The following MALRD1 variants were observed in gnomAD, a reference collection of about 807,000 sequenced individuals.
MALRD1 encodes the protein MAM and LDL-receptor class A domain-containing protein 1.
Under a neutral mutation model 242.1 loss-of-function variants are expected in MALRD1, and 247 were observed. The ratio of observed to expected loss-of-function variants is 1.02; its 90% CI spans 0.92 to 1.13. The LOEUF (loss-of-function observed/expected upper bound fraction) is 1.13, where lower values mean the gene tolerates loss of function less well. Ranked by LOEUF, MALRD1 falls within the 50% of genes most tolerant of loss-of-function variation. The pLI, the probability that MALRD1 is intolerant of heterozygous loss-of-function variation, is 0.00. For missense variants in MALRD1, 2,989 were observed against 2,533.1 expected, an observed-to-expected ratio of 1.18 and a Z score of -3.86; for synonymous variants, 995 against 866.6, an observed-to-expected ratio of 1.15 and a Z score of -2.60.
At chr10:19,582,052 C>T (rs986554490) in intron 33 of MALRD1, among the ~76,000 whole-genome samples, 4 of 152,092 alleles carry the variant, frequency 2.6e-5, no homozygotes, top group African/African-American at 9.7e-5. Context: ...GTCCTTTGCC[C>T]ACTTTTTGAT....
At chr10:19,572,134 T>G (rs1016094040) in intron 33 of MALRD1, among the ~76,000 whole-genome samples, 1 of 152,208 alleles carries the variant, frequency 6.6e-6, no homozygotes, top group African/African-American at 2.4e-5. Context: ...TTCCGCATTA[T>G]TACTTCTCTG....
At chr10:19,173,842 T>C (rs552736140) in intron 13 of MALRD1, among the ~76,000 whole-genome samples, 64 of 152,310 alleles carry the variant, frequency 4.2e-4, no homozygotes, top group African/African-American at 1.4e-3. Context: ...ACTTATTTCT[T>C]ATACAGCATT....
intron 19 of MALRD1, among the ~76,000 whole-genome samples, chr10:19,274,822 G>T (rs11009233): frequency 0.016 from 2,456 of 152,136 alleles, 86 homozygotes; most frequent in African/African-American, 0.056. Context: ...AGAGCTGGGG[G>T]GAGGCAGGAA....
chr10:19,355,969 C>T (rs182712863), intron 26 of MALRD1, among the ~76,000 whole-genome samples: 183 of 148,706 alleles, frequency 1.2e-3, no homozygotes, highest in African/African-American at 4.3e-3. Flanking sequence ...GGAATGCAGA[C>T]AATATAAGTC....
At chr10:19,441,180 T>C (rs1834625798) in intron 28 of MALRD1, among the ~76,000 whole-genome samples, 1 of 152,200 alleles carries the variant, frequency 6.6e-6, no homozygotes, top group South Asian at 2.1e-4. Context: ...TGCCCACTTT[T>C]TGATGGGGTT....
At chr10:19,103,059 G>A (rs1409306898) in intron 4 of MALRD1, among the ~76,000 whole-genome samples, 2 of 151,686 alleles carry the variant, frequency 1.3e-5, no homozygotes, top group South Asian at 4.2e-4. Flanking sequence ...ATGTTTGCCC[G>A]GCTGGTCTAG....
intron 36 of MALRD1, among the ~76,000 whole-genome samples, chr10:19,642,336 A>G (rs1388660643): frequency 1.3e-5 from 2 of 152,122 alleles, no homozygotes; most frequent in African/African-American, 4.8e-5. Context: ...ATGAGACTGT[A>G]CTCATGCTTT....
rs1018591806 is a variant in MALRD1 at position 19,451,692 on chromosome 10, G to A, written c.5029+1202G>A. Among the ~76,000 whole-genome samples, 15 of 152,258 alleles carry A rather than the reference G, an allele frequency of 9.9e-5. No homozygotes were observed. In the East Asian group the frequency reaches 2.9e-3, roughly 29 times the overall value. On this transcript the variant is annotated intron_variant, in intron 29 of 39. Coordinates refer to ENST00000454679, the MANE Select transcript of MALRD1 (RefSeq NM_001142308.3). Reference sequence around the variant, plus strand: ...TTTCACTGAGGCAGTTCAAAAATGTGACTTTGGTTTTTTTGTAGTGTTACA... The same window carrying A: ...TTTCACTGAGGCAGTTCAAAAATGTAACTTTGGTTTTTTTGTAGTGTTACA...
At chr10:19,622,010 T>TA (rs566343806) in intron 36 of MALRD1, among the ~76,000 whole-genome samples, 113 of 151,956 alleles carry the variant, frequency 7.4e-4, no homozygotes, top group African/African-American at 2.7e-3. Context: ...AATTGATGGA[T>TA]TTTTTTAAGT....
intron 33 of MALRD1, among the ~76,000 whole-genome samples, chr10:19,581,427 T>A (rs988875424): frequency 6.8e-6 from 1 of 147,726 alleles, no homozygotes; most frequent in African/African-American, 2.5e-5. Flanking sequence ...TGTCCATGTG[T>A]TCTCATTGTT....
At chr10:19,331,226 A>G in intron 23 of MALRD1, 143 bp from the exon 24 acceptor site, 1 of 700,616 alleles carries the variant, frequency 1.4e-6, no homozygotes, top group South Asian at 1.9e-5. Context: ...CACTTTCAAC[A>G]TAGGGACATA....
intron 26 of MALRD1, among the ~76,000 whole-genome samples, chr10:19,372,431 T>TTAG (rs1845417521): frequency 6.6e-6 from 1 of 151,658 alleles, no homozygotes; most frequent in Admixed American, 6.6e-5. Context: ...TACCATAGAG[T>TTAG]TAGTGTAGGA....
At position 19,272,490 on chromosome 10, in the gene MALRD1, A is replaced by C. The variant is rs184141976; in HGVS notation, c.3080-7557A>C. On this transcript the variant is annotated intron_variant, in intron 19 of 39. Coordinates refer to ENST00000454679, the MANE Select transcript of MALRD1 (RefSeq NM_001142308.3). ...CAAAGTGGCCCTTTAAAAGTATTTAAAAATATTTCGTTTTAAATTTTATCT... is the reference window on the plus strand; with the variant it reads ...CAAAGTGGCCCTTTAAAAGTATTTACAAATATTTCGTTTTAAATTTTATCT... 4.6e-4 allele frequency among the ~76,000 whole-genome samples: 70 copies of C among 152,328 alleles called. 1 individual carries two copies. The South Asian group carries it at 0.011, about 25-fold the overall frequency.
intron 38 of MALRD1, among the ~76,000 whole-genome samples, chr10:19,693,208 T>C (rs1054863080): frequency 6.6e-6 from 1 of 151,782 alleles, no homozygotes; most frequent in African/African-American, 2.4e-5. Flanking sequence ...CAACATAGTG[T>C]TGGAAGTTCT....
intron 36 of MALRD1, among the ~76,000 whole-genome samples, chr10:19,656,333 T>G (rs910289058): frequency 3.9e-5 from 6 of 152,154 alleles, no homozygotes; most frequent in African/African-American, 1.4e-4. Flanking sequence ...GAGTGCTTTA[T>G]TTGCTGTTAT....
intron 26 of MALRD1, among the ~76,000 whole-genome samples, chr10:19,364,771 C>G (rs1473021740): frequency 6.6e-6 from 1 of 152,034 alleles, no homozygotes; most frequent in Non-Finnish European, 1.5e-5. Flanking sequence ...ACTTGAAATG[C>G]CAATTGGCTG....
At position 19,283,070 on chromosome 10, in the gene MALRD1, C is replaced by T. The variant is rs780622847; in HGVS notation, c.3308C>T (p.Pro1103Leu). The T allele has an allele frequency of 1.3e-6, 2 of 1,549,858 alleles. No homozygotes were observed. The highest frequency in any genetic ancestry group is 3.9e-5 in the Admixed American group (2 of 50,944). ...AGAAGCCTGTGTAAATGGTATCAAC[C>T]AATCCCAGTACATTTGCTTCAAGAT... ...EKRSLCKWYQ[P>L]IPVHLLQDSN... The change falls in exon 21 of 40, where the codon CCA (proline) becomes CTA (leucine). Residue 1103 changes from proline to leucine, a missense_variant. Pro to Leu is a moderately conservative substitution (Grantham distance 98, BLOSUM62 -3). Coordinates refer to ENST00000454679, the MANE Select transcript of MALRD1 (RefSeq NM_001142308.3).
At chr10:19,646,511 A>G (rs577973191) in intron 36 of MALRD1, among the ~76,000 whole-genome samples, 6 of 152,278 alleles carry the variant, frequency 3.9e-5, no homozygotes, top group African/African-American at 1.4e-4. Context: ...AGGCTGAGGC[A>G]GGAGAACTGC....
intron 18 of MALRD1, among the ~76,000 whole-genome samples, chr10:19,212,662 C>T (rs1023119290): frequency 1.8e-4 from 26 of 142,850 alleles, no homozygotes; most frequent in Admixed American, 8.0e-4. Flanking sequence ...TTTTAAGGGA[C>T]TCTTAAACTG....
Sources: allele counts gnomAD v4.1 joint callset (sites outside exome capture counted in the v4.1 genomes callset), GRCh38; gene constraint gnomAD v4.1.1; transcripts MANE v1.5; gene names NCBI Gene and HGNC (gene_info 2026-07-23, HGNC 2026-07-21).